Variants in CST8 observed in about 807,000 individuals in gnomAD.
The protein encoded by CST8 is cystatin 8.
Under a neutral mutation model 11.8 loss-of-function variants are expected in CST8, and 20 were observed. That is an observed-to-expected ratio of 1.70 (90% CI 1.20 to 2.47). The LOEUF (loss-of-function observed/expected upper bound fraction) is 2.47, where lower values mean the gene tolerates loss of function less well. CST8 is among the 30% of genes most tolerant of loss of function. CST8 has a pLI of 0.00. For synonymous variants in CST8, 77 were observed against 63.1 expected (o/e 1.22, Z -1.05); for missense variants, 196 against 167.2 (o/e 1.17, Z -0.95).
downstream of CST8, among the ~76,000 whole-genome samples, chr20:23,496,455 A>G (rs1988050144): frequency 6.6e-6 from 1 of 152,182 alleles, no homozygotes; most frequent in Non-Finnish European, 1.5e-5. Context: ...GGTGGGGGTC[A>G]CAGAGATCAC....
chr20:23,502,638 C>T, the CST8 span, among the ~76,000 whole-genome samples: 29 of 152,172 alleles, frequency 1.9e-4, no homozygotes, highest in Non-Finnish European at 2.9e-5. Context: ...CAAACCTTCA[C>T]GTGATTCTGC....
chr20:23,492,238 C>T (rs761041908), intron 2 of CST8, among the ~76,000 whole-genome samples: 2 of 152,168 alleles, frequency 1.3e-5, no homozygotes, highest in Non-Finnish European at 2.9e-5. Context: ...AACCTGGACC[C>T]AACTAGCAGA....
chr20:23,506,362 A>G, the CST8 span, among the ~76,000 whole-genome samples: 1 of 152,164 alleles, frequency 6.6e-6, no homozygotes, highest in African/African-American at 2.4e-5. Flanking sequence ...AGGTGTGTGG[A>G]CAGTGACCGA....
chr20:23,503,407 T>C, the CST8 span, among the ~76,000 whole-genome samples: 1 of 152,226 alleles, frequency 6.6e-6, no homozygotes, highest in Middle Eastern at 3.4e-3. Flanking sequence ...GAACAGCTGC[T>C]AATTAAAGAA....
chr20:23,493,193 CAACCCT>C (rs1987944630), intron 3 of CST8, 122 bp downstream of exon 3: 1 of 690,758 alleles, frequency 1.4e-6, no homozygotes, highest in Admixed American at 2.3e-5. Context: ...CCCAGATAGC[CAACCCT>C]GTGGCCTTTA....
At chr20:23,493,471 C>A (rs1332606085) in intron 3 of CST8, among the ~76,000 whole-genome samples, 1 of 152,196 alleles carries the variant, frequency 6.6e-6, no homozygotes. Context: ...ATTCACTCAT[C>A]CACTCATAGA....
At chr20:23,500,498 C>G (rs1988157599), downstream of CST8, among the ~76,000 whole-genome samples, 2 of 152,144 alleles carry the variant, frequency 1.3e-5, 1 homozygote, top group Admixed American at 1.3e-4. Flanking sequence ...GCCTGCCCCC[C>G]AGGGGCCTGG....
At chr20:23,505,581 A>T in the CST8 span, among the ~76,000 whole-genome samples, 77,254 of 151,944 alleles carry the variant, frequency 0.51, 20,073 homozygotes, top group African/African-American at 0.59. Context: ...CCAACCCACT[A>T]TTGAAGAATG....
chr20:23,506,386 G>A, the CST8 span, among the ~76,000 whole-genome samples: 3 of 152,126 alleles, frequency 2.0e-5, no homozygotes, highest in South Asian at 2.1e-4. Flanking sequence ...CCACAGCTTC[G>A]CTTTCTTTTG....
At chr20:23,494,846 C>T (rs1317205758) in intron 3 of CST8, among the ~76,000 whole-genome samples, 2 of 152,190 alleles carry the variant, frequency 1.3e-5, no homozygotes, top group African/African-American at 4.8e-5. Context: ...CAGGGGTACA[C>T]ATACAGGCTT....
chr20:23,507,094 A>C, the CST8 span, among the ~76,000 whole-genome samples: 15,817 of 152,164 alleles, frequency 0.1, 891 homozygotes, highest in East Asian at 0.21. Flanking sequence ...TTTCACTCCC[A>C]CCTGTAATAA....
At chr20:23,504,414 G>A in the CST8 span, among the ~76,000 whole-genome samples, 6 of 152,070 alleles carry the variant, frequency 3.9e-5, no homozygotes, top group Non-Finnish European at 8.8e-5. Flanking sequence ...AAGCTGAACA[G>A]GAGCACTCCT....
the CST8 span, among the ~76,000 whole-genome samples, chr20:23,504,012 C>T: frequency 6.1e-4 from 93 of 152,312 alleles, no homozygotes; most frequent in Non-Finnish European, 5.9e-5. Context: ...AATTGGAGAC[C>T]ATGAGGACAG....
the CST8 span, among the ~76,000 whole-genome samples, chr20:23,501,275 A>T: frequency 5.9e-5 from 9 of 152,136 alleles, no homozygotes; most frequent in Non-Finnish European, 1.3e-4. Flanking sequence ...CTCTTTACAG[A>T]GTTGAGGGAA....
chr20:23,492,870 A>G (rs1211413137), intron 2 of CST8, 88 bp from the exon 3 acceptor site: 14 of 808,064 alleles, frequency 1.7e-5, no homozygotes, highest in Non-Finnish European at 3.0e-5. Flanking sequence ...AGAGGAAAGG[A>G]CGAGAGTAAG....
downstream of CST8, among the ~76,000 whole-genome samples, chr20:23,500,984 C>G (rs1314074325): frequency 6.6e-6 from 1 of 152,230 alleles, no homozygotes; most frequent in East Asian, 1.9e-4. Context: ...AACAGGCCTA[C>G]TGCGGGTGAT....
At chr20:23,492,445 T>TC (rs1987916828) in intron 2 of CST8, among the ~76,000 whole-genome samples, 1 of 152,168 alleles carries the variant, frequency 6.6e-6, no homozygotes, top group African/African-American at 2.4e-5. Flanking sequence ...GCATGGGTCC[T>TC]CATGGACTGT....
chr20:23,497,197 A>G (rs1396937273), downstream of CST8, among the ~76,000 whole-genome samples: 1 of 152,248 alleles, frequency 6.6e-6, no homozygotes, highest in African/African-American at 2.4e-5. Context: ...ATAAGAAATT[A>G]TAACAGTATT....
chr20:23,506,346 G>A, the CST8 span, among the ~76,000 whole-genome samples: 1 of 152,180 alleles, frequency 6.6e-6, no homozygotes, highest in Non-Finnish European at 1.5e-5. Flanking sequence ...GTGCAGGCTT[G>A]CCTGTAGGTG....
Sources: gnomAD v4.1 joint callset for allele counts (sites outside exome capture counted in the v4.1 genomes callset) on GRCh38, gnomAD v4.1.1 for gene constraint, MANE v1.5 for transcripts, NCBI Gene and HGNC (gene_info 2026-07-23, HGNC 2026-07-21) for gene names.